The following OPCML variants were observed in gnomAD, a reference collection of about 807,000 sequenced individuals.
OPCML encodes the protein opioid-binding protein/cell adhesion molecule.
A neutral mutation model predicts 37.8 loss-of-function variants in OPCML; 13 were observed. The observed-to-expected ratio is 0.34, with a 90% CI of 0.22 to 0.55. The LOEUF is 0.55. OPCML is among the 20% of genes least tolerant of loss of function. The pLI, the probability that OPCML is intolerant of heterozygous loss-of-function variation, is 0.91. For synonymous variants in OPCML, 176 were observed against 168.8 expected (o/e 1.04, Z -0.33); for missense variants, 341 against 435.6 (o/e 0.78, Z 1.93).
intron 1 of OPCML, among the ~76,000 whole-genome samples, chr11:132,956,922 A>G (rs1235691266): frequency 3.3e-5 from 5 of 152,158 alleles, no homozygotes; most frequent in African/African-American, 1.2e-4. Context: ...CTTGAAGCCA[A>G]GAGTTCAAGG....
At chr11:133,260,884 T>TC (rs1212226974) in intron 1 of OPCML, among the ~76,000 whole-genome samples, 1 of 149,892 alleles carries the variant, frequency 6.7e-6, no homozygotes, top group African/African-American at 2.5e-5. Flanking sequence ...TTTTTTTTTT[T>TC]CTGAAATAGA....
chr11:133,507,423 G>GT (rs1356893833), intron 1 of OPCML, among the ~76,000 whole-genome samples: 1 of 152,204 alleles, frequency 6.6e-6, no homozygotes, highest in Admixed American at 6.5e-5. Context: ...ATCTACTGCA[G>GT]TCTTCTTTTG....
At chr11:133,088,964 T>C (rs1948861769) in intron 1 of OPCML, among the ~76,000 whole-genome samples, 1 of 152,182 alleles carries the variant, frequency 6.6e-6, no homozygotes, top group Non-Finnish European at 1.5e-5. Flanking sequence ...CTCCAAAAGT[T>C]CCCATAGGAT....
At chr11:132,441,736 A>G (rs1273818063) in intron 4 of OPCML, among the ~76,000 whole-genome samples, 1 of 152,150 alleles carries the variant, frequency 6.6e-6, no homozygotes. Context: ...GATGAGTTCA[A>G]TTCACTGCAT....
At chr11:133,433,862 A>G (rs1456924231) in intron 1 of OPCML, among the ~76,000 whole-genome samples, 2 of 152,090 alleles carry the variant, frequency 1.3e-5, no homozygotes, top group Admixed American at 1.3e-4. Context: ...TCATATCCAC[A>G]CAGAATCCCT....
At chr11:133,179,901 G>T (rs1937740754) in intron 1 of OPCML, among the ~76,000 whole-genome samples, 1 of 152,194 alleles carries the variant, frequency 6.6e-6, no homozygotes, top group African/African-American at 2.4e-5. Flanking sequence ...CCATGGAGGG[G>T]ACAGCTAGTA....
intron 3 of OPCML, among the ~76,000 whole-genome samples, chr11:132,597,073 T>C (rs1263794185): frequency 6.6e-6 from 1 of 152,176 alleles, no homozygotes; most frequent in Admixed American, 6.6e-5. Flanking sequence ...TGGCTAAATA[T>C]AGAACACAAG....
intron 3 of OPCML, among the ~76,000 whole-genome samples, chr11:132,584,026 A>T (rs1367632248): frequency 1.3e-5 from 2 of 152,182 alleles, no homozygotes; most frequent in Non-Finnish European, 2.9e-5. Context: ...TAATTCCAAA[A>T]TTTAGCATAT....
At chr11:133,263,590 T>A (rs1292385684) in intron 1 of OPCML, among the ~76,000 whole-genome samples, 4 of 152,124 alleles carry the variant, frequency 2.6e-5, no homozygotes, top group Non-Finnish European at 5.9e-5. Context: ...TTGGAATGTA[T>A]CCCCATTGTT....
Position 133,361,570 on chromosome 11 carries a change from C to T in OPCML, c.61+170694G>A, listed in dbSNP as rs550049849. ...CAGGTCCGGGGCACCTGCAGCTACTCCGGGGCACCTGCAGCTATTCCGGGG... is the reference window on the plus strand; with the variant it reads ...CAGGTCCGGGGCACCTGCAGCTACTTCGGGGCACCTGCAGCTATTCCGGGG... On this transcript the variant is annotated intron_variant, in intron 1 of 7. Transcript: ENST00000524381. The T allele has an allele frequency of 4.0e-3, 642 of 161,980 alleles. 3 individuals are homozygous for T. Among genetic ancestry groups the T allele is most frequent in the Admixed American group, 6.8e-3 (103 of 15,230 alleles). 10.0% of individuals were successfully genotyped at this position (161,980 alleles called of 1,614,324 possible).
At position 133,140,810 on chromosome 11, in the gene OPCML, A is replaced by G. The variant is rs565204159; in HGVS notation, c.62-197800T>C. 6.4e-5 allele frequency among the ~76,000 whole-genome samples: 7 copies of G among 109,950 alleles called. 2 individuals are homozygous for G. Among genetic ancestry groups the G allele is most frequent in the African/African-American group, 2.2e-4 (7 of 32,090 alleles). The allele number at this position is 109,950 out of a possible 152,430, so 72.1% of individuals were successfully genotyped here. A position where few individuals can be genotyped will look rare whatever the true frequency, so the allele number is the denominator to read the frequency against. ...GACGAAGAAGAAGAAGAAGAAGACG[A>G]CGACGAAGAAGAAGACGACGACGAA... is the stretch of plus-strand genomic sequence containing the variant. On this transcript the variant is annotated intron_variant, in intron 1 of 7. Coordinates refer to ENST00000524381, the MANE Select transcript of OPCML (RefSeq NM_001012393.5).
chr11:133,134,387 CA>C (rs1299366485), intron 1 of OPCML, among the ~76,000 whole-genome samples: 2 of 152,122 alleles, frequency 1.3e-5, no homozygotes, highest in Admixed American at 1.3e-4. Flanking sequence ...TCTTTCCTCC[CA>C]AACACTGGAA....
At chr11:132,773,187 T>A (rs1025133863) in intron 2 of OPCML, 8 of 152,098 alleles carry the variant, frequency 5.3e-5, no homozygotes, top group African/African-American at 1.9e-4. Flanking sequence ...CCAACATAAA[T>A]TCTTCCACTC....
intron 1 of OPCML, among the ~76,000 whole-genome samples, chr11:133,130,845 G>C (rs1949592039): frequency 6.6e-6 from 1 of 152,030 alleles, no homozygotes; most frequent in Non-Finnish European, 1.5e-5. Context: ...AGAACAGATA[G>C]GCTTTTCAAC....
At chr11:132,924,127 ATGTGTGTGTG>A (rs10686395) in intron 2 of OPCML, among the ~76,000 whole-genome samples, 2 of 149,730 alleles carry the variant, frequency 1.3e-5, no homozygotes, top group South Asian at 2.1e-4. Flanking sequence ...AAAAAAAACT[ATGTGTGTGTG>A]TGTGTGTGTG....
At position 132,890,693 on chromosome 11, in the gene OPCML, A is replaced by AG. The variant is rs1482703174; in HGVS notation, c.146+52232_146+52233insC. 8.0e-5 allele frequency among the ~76,000 whole-genome samples: 12 copies of AG among 150,446 alleles called. No individual in the cohort carries two copies. The East Asian group carries it at 2.2e-3, about 27-fold the overall frequency. On this transcript the variant is annotated intron_variant, in intron 2 of 7. Coordinates refer to ENST00000524381, the MANE Select transcript of OPCML (RefSeq NM_001012393.5). ...AACCCTGTCTCTACTAAAAAAAAAA[A>AG]AAAATACAAAAAAATTAGCCAGGCG...
At chr11:133,327,735 G>C (rs1453130256) in intron 1 of OPCML, among the ~76,000 whole-genome samples, 1 of 152,152 alleles carries the variant, frequency 6.6e-6, no homozygotes, top group Non-Finnish European at 1.5e-5. Context: ...TTGATAGGCA[G>C]AGACATAGAA....
At chr11:133,455,387 C>T (rs1946653849) in intron 1 of OPCML, among the ~76,000 whole-genome samples, 1 of 152,166 alleles carries the variant, frequency 6.6e-6, no homozygotes, top group African/African-American at 2.4e-5. Context: ...TTCTGAGTTA[C>T]ATACTAGAGG....
chr11:133,228,337 C>T (rs1940130218), intron 1 of OPCML, among the ~76,000 whole-genome samples: 1 of 152,120 alleles, frequency 6.6e-6, no homozygotes, highest in Admixed American at 6.5e-5. Context: ...ACCTGGAGGC[C>T]GAGGTTCATA....
Sources: gnomAD v4.1 joint callset for allele counts (sites outside exome capture counted in the v4.1 genomes callset) on GRCh38, gnomAD v4.1.1 for gene constraint, MANE v1.5 for transcripts, NCBI Gene and HGNC (gene_info 2026-07-23, HGNC 2026-07-21) for gene names.